RBFOX1: variants seen among roughly 807,000 people sequenced by gnomAD.
The protein encoded by RBFOX1 is RNA binding protein fox-1 homolog 1.
RBFOX1 carries 8 observed loss-of-function variants against 57.7 expected under a neutral mutation model. The ratio of observed to expected loss-of-function variants is 0.14; its 90% CI spans 0.08 to 0.25. The LOEUF is 0.25. Among genes scored for constraint, RBFOX1 ranks in the 10% least tolerant of loss-of-function variants. The probability of loss-of-function intolerance (pLI) is 1.00; values close to 1 mark genes in which losing one functional copy is unlikely to be tolerated. For synonymous variants in RBFOX1, 326 were observed against 222.4 expected (o/e 1.47, Z -4.15); for missense variants, 611 against 548.5 (o/e 1.11, Z -1.14).
intron 3 of RBFOX1, among the ~76,000 whole-genome samples, chr16:5,689,161 T>A (rs968557178): frequency 3.9e-5 from 6 of 152,186 alleles, no homozygotes; most frequent in African/African-American, 1.4e-4. Context: ...TCCAGAGAAC[T>A]GGAATTGTGG....
chr16:5,755,208 A>G (rs912655064), intron 3 of RBFOX1, among the ~76,000 whole-genome samples: 2 of 134,120 alleles, frequency 1.5e-5, no homozygotes, highest in Admixed American at 1.6e-4. Flanking sequence ...CACGTTTCAG[A>G]GAGCACGGGG....
chr16:5,312,848 T>C (rs2064129165), intron 1 of RBFOX1, among the ~76,000 whole-genome samples: 1 of 152,240 alleles, frequency 6.6e-6, no homozygotes, highest in African/African-American at 2.4e-5. Context: ...TCTTCAGATA[T>C]GAGCCCAGAA....
chr16:5,808,871 A>C (rs987837677), intron 3 of RBFOX1, among the ~76,000 whole-genome samples: 1 of 152,174 alleles, frequency 6.6e-6, no homozygotes, highest in Non-Finnish European at 1.5e-5. Flanking sequence ...GCAAACAGGG[A>C]CAATTTGACT....
chr16:5,569,932 A>G (rs1414633891), intron 2 of RBFOX1, among the ~76,000 whole-genome samples: 5 of 152,234 alleles, frequency 3.3e-5, no homozygotes, highest in African/African-American at 9.6e-5. Context: ...TATTGCAGAT[A>G]TCATAAAGAT....
chr16:6,290,647 A>G (rs1228307520), intron 1 of RBFOX1, among the ~76,000 whole-genome samples: 1 of 152,226 alleles, frequency 6.6e-6, no homozygotes, highest in African/African-American at 2.4e-5. Flanking sequence ...ACATGGGCGA[A>G]AAAGGAAATT....
intron 2 of RBFOX1, among the ~76,000 whole-genome samples, chr16:6,585,956 A>C (rs2097607250): frequency 6.6e-6 from 1 of 152,212 alleles, no homozygotes; most frequent in South Asian, 2.1e-4. Flanking sequence ...AGATACCTTT[A>C]AACAACAGTT....
At chr16:5,378,875 A>T (rs2066058817) in intron 1 of RBFOX1, among the ~76,000 whole-genome samples, 1 of 151,606 alleles carries the variant, frequency 6.6e-6, no homozygotes, top group Non-Finnish European at 1.5e-5. Flanking sequence ...ATTATGGATT[A>T]GGCAGAGTAG....
intron 3 of RBFOX1, among the ~76,000 whole-genome samples, chr16:6,966,775 C>A (rs911484801): frequency 1.8e-4 from 4 of 21,912 alleles, no homozygotes; most frequent in African/African-American, 5.2e-4. Flanking sequence ...ATCTATCTAT[C>A]TATCTATCTA....
chr16:6,831,022 C>T (rs1340027332), intron 3 of RBFOX1, among the ~76,000 whole-genome samples: 1 of 152,194 alleles, frequency 6.6e-6, no homozygotes, highest in East Asian at 1.9e-4. Context: ...CCATCTAAGC[C>T]TTTTCCCAAT....
intron 3 of RBFOX1, among the ~76,000 whole-genome samples, chr16:6,771,330 T>A (rs1396148033): frequency 6.6e-6 from 1 of 152,196 alleles, no homozygotes; most frequent in Non-Finnish European, 1.5e-5. Context: ...ACACTTCTGC[T>A]CAAGTCTATG....
chr16:7,029,679 A>C (rs1597454189), intron 3 of RBFOX1, among the ~76,000 whole-genome samples: 1 of 152,304 alleles, frequency 6.6e-6, no homozygotes, highest in East Asian at 1.9e-4. Flanking sequence ...TTTTCAAAAC[A>C]GATGAAAGAA....
At chr16:5,909,088 C>CTT (rs367978011) in intron 4 of RBFOX1, among the ~76,000 whole-genome samples, 6 of 77,632 alleles carry the variant, frequency 7.7e-5, no homozygotes, top group African/African-American at 2.2e-4. Context: ...GACTAAGCCC[C>CTT]CCTTTTTTTT....
chr16:7,058,037 G>C (rs931088097), intron 4 of RBFOX1, among the ~76,000 whole-genome samples: 1 of 146,112 alleles, frequency 6.8e-6, no homozygotes, highest in Admixed American at 6.9e-5. Flanking sequence ...AAAACCACCA[G>C]ATATAGATCT....
At position 7,155,732 on chromosome 16, in the gene RBFOX1, T is replaced by TATAC. The variant is rs1555516557; in HGVS notation, c.27+103637_27+103638insCATA. Among the ~76,000 whole-genome samples, 170 of 89,426 alleles carry TATAC rather than the reference T, an allele frequency of 1.9e-3. 2 individuals are homozygous for TATAC. The highest frequency in any genetic ancestry group is 9.6e-3 in the African/African-American group (159 of 16,584). 58.7% of individuals were successfully genotyped at this position (89,426 alleles called of 152,430 possible). A position where few individuals can be genotyped will look rare whatever the true frequency, so the allele number is the denominator to read the frequency against. Reference sequence around the variant, plus strand: ...AAAAAAATATATATATATATATATATATATATACACACACACACACACACA... The same window carrying TATAC: ...AAAAAAATATATATATATATATATATATACATATATACACACACACACACACACA... On this transcript the variant is annotated intron_variant, in intron 4 of 15. Coordinates refer to ENST00000550418, the MANE Select transcript of RBFOX1 (RefSeq NM_018723.4).
intron 14 of RBFOX1, among the ~76,000 whole-genome samples, chr16:7,689,453 G>T (rs1178772673): frequency 6.6e-6 from 1 of 152,110 alleles, no homozygotes; most frequent in African/African-American, 2.4e-5. Context: ...GCTACCTACA[G>T]AACAGTGAAA....
At chr16:6,015,279 A>T (rs7201717), upstream of RBFOX1, among the ~76,000 whole-genome samples, 31 of 152,226 alleles carry the variant, frequency 2.0e-4, no homozygotes, top group African/African-American at 7.2e-4. Context: ...GGAGTAATCT[A>T]CAAATCCCTG....
intron 3 of RBFOX1, among the ~76,000 whole-genome samples, chr16:7,051,406 G>A (rs905833645): frequency 6.6e-6 from 1 of 152,234 alleles, no homozygotes; most frequent in African/African-American, 2.4e-5. Flanking sequence ...AAACATGTCA[G>A]TAGGGCAAAG....
chr16:7,422,099 G>A (rs563463296), intron 4 of RBFOX1, among the ~76,000 whole-genome samples: 1 of 152,282 alleles, frequency 6.6e-6, no homozygotes, highest in East Asian at 1.9e-4. Context: ...AATGGAGTTG[G>A]CTTTGGTCGA....
chr16:7,140,732 G>T (rs369221024), intron 4 of RBFOX1, among the ~76,000 whole-genome samples: 31 of 152,288 alleles, frequency 2.0e-4, no homozygotes, highest in East Asian at 9.7e-4. Context: ...GGGAGTGAGA[G>T]ACGGAGACTT....
Sources: gnomAD v4.1 joint callset for allele counts (sites outside exome capture counted in the v4.1 genomes callset) on GRCh38, gnomAD v4.1.1 for gene constraint, MANE v1.5 for transcripts, NCBI Gene and HGNC (gene_info 2026-07-23, HGNC 2026-07-21) for gene names.